FRYL: variants seen among roughly 807,000 people sequenced by gnomAD.
The protein encoded by FRYL is protein furry homolog-like.
FRYL carries 150 observed loss-of-function variants against 351.2 expected under a neutral mutation model. The observed-to-expected ratio is 0.43, with a 90% CI of 0.37 to 0.49. The LOEUF (loss-of-function observed/expected upper bound fraction) is 0.49, where lower values mean the gene tolerates loss of function less well. Among genes scored for constraint, FRYL ranks in the 20% least tolerant of loss-of-function variants. The pLI, the probability that FRYL is intolerant of heterozygous loss-of-function variation, is 0.00. For missense variants in FRYL, 3,036 were observed against 3,619.3 expected, an observed-to-expected ratio of 0.84 and a Z score of 4.13; for synonymous variants, 1,153 against 1,257.1, an observed-to-expected ratio of 0.92 and a Z score of 1.75.
intron 1 of FRYL, among the ~76,000 whole-genome samples, chr4:48,767,000 T>C (rs564945494): frequency 6.8e-6 from 1 of 147,698 alleles, no homozygotes; most frequent in Admixed American, 6.8e-5. Context: ...TATTATATAT[T>C]ATATATTTTA....
At chr4:48,649,928 T>C (rs1363369371) in intron 3 of FRYL, among the ~76,000 whole-genome samples, 1 of 152,336 alleles carries the variant, frequency 6.6e-6, no homozygotes, top group East Asian at 1.9e-4. Context: ...TATAATAATA[T>C]ACACTGCTTT....
chr4:48,569,751 C>T (rs1578164966), intron 27 of FRYL, among the ~76,000 whole-genome samples: 2 of 152,290 alleles, frequency 1.3e-5, no homozygotes, highest in East Asian at 1.9e-4. Flanking sequence ...GGGAGAAATG[C>T]TAAAGGAATA....
intron 2 of FRYL, among the ~76,000 whole-genome samples, chr4:48,697,245 T>G (rs1766285665): frequency 6.6e-6 from 1 of 152,164 alleles, no homozygotes; most frequent in African/African-American, 2.4e-5. Context: ...CTTTCCATTT[T>G]TACCTAAATT....
chr4:48,601,202 T>A (rs1191182111), intron 13 of FRYL, among the ~76,000 whole-genome samples: 1 of 152,188 alleles, frequency 6.6e-6, no homozygotes, highest in Non-Finnish European at 1.5e-5. Context: ...AGGTTTTCAG[T>A]CTCAAGTCTA....
At chr4:48,614,623 G>A (rs1748966495) in intron 7 of FRYL, among the ~76,000 whole-genome samples, 1 of 149,404 alleles carries the variant, frequency 6.7e-6, no homozygotes. Flanking sequence ...TCGGGAGGCT[G>A]AGGCAGGAGA....
chr4:48,600,581 T>C (rs1745497542), intron 13 of FRYL, among the ~76,000 whole-genome samples: 1 of 152,162 alleles, frequency 6.6e-6, no homozygotes, highest in South Asian at 2.1e-4. Context: ...TACTGCGAAG[T>C]ATTGCAAATA....
At chr4:48,555,621 G>A (rs1472734146) in intron 35 of FRYL, among the ~76,000 whole-genome samples, 1 of 152,194 alleles carries the variant, frequency 6.6e-6, no homozygotes, top group African/African-American at 2.4e-5. Context: ...GGGAATGCCT[G>A]GTGAGAGAGG....
Position 48,668,729 on chromosome 4 carries a change from C to T in FRYL, c.-81+15944G>A, listed in dbSNP as rs925912246. ...AAATAGAATAATAACTGAGGCTAGG[C>T]GGTGAGGAAAACTTATTAACCCCAA... On this transcript the variant is annotated intron_variant, in intron 3 of 63. Transcript: ENST00000358350. 7.9e-5 allele frequency among the ~76,000 whole-genome samples: 12 copies of T among 152,266 alleles called. No individual in the cohort carries two copies. The South Asian group carries it at 1.4e-3, about 18-fold the overall frequency.
chr4:48,568,772 G>A (rs1213589430), intron 27 of FRYL, among the ~76,000 whole-genome samples: 1 of 152,048 alleles, frequency 6.6e-6, no homozygotes, highest in Non-Finnish European at 1.5e-5. Flanking sequence ...CCTTAAATGA[G>A]TGTTTTTCAA....
intron 55 of FRYL, among the ~76,000 whole-genome samples, chr4:48,518,777 C>CTTT (rs1294233221): frequency 8.5e-5 from 13 of 152,302 alleles, no homozygotes; most frequent in African/African-American, 2.6e-4. Context: ...AAATGCTACC[C>CTTT]CTAACTTTCT....
chr4:48,722,683 C>G (rs1275722446), intron 1 of FRYL, among the ~76,000 whole-genome samples: 4 of 152,156 alleles, frequency 2.6e-5, no homozygotes, highest in Non-Finnish European at 5.9e-5. Flanking sequence ...ACTGATGTAA[C>G]AAAAAGTCAG....
At chr4:48,578,565 T>C (rs764989883) in intron 23 of FRYL, among the ~76,000 whole-genome samples, 9 of 152,130 alleles carry the variant, frequency 5.9e-5, no homozygotes, top group African/African-American at 1.2e-4. Context: ...CACCAGAAGG[T>C]GGCCTTCCTT....
Position 48,575,881 on chromosome 4 carries a change from T to C in FRYL, c.2721+149A>G, listed in dbSNP as rs1739495354. On this transcript the variant is annotated intron_variant, in intron 24 of 63. Transcript: ENST00000358350. ...AACTAGGAATCCATAAAAGCAATGA[T>C]GGGCTTTCTTGAGGTATTTTCCTTT... The C allele has an allele frequency of 6.7e-6, 4 of 592,896 alleles. No homozygotes were observed. The East Asian group carries it at 1.2e-4, about 17-fold the overall frequency. 36.7% of individuals were successfully genotyped at this position (592,896 alleles called of 1,614,324 possible).
chr4:48,767,463 C>A (rs1268870528), intron 1 of FRYL, among the ~76,000 whole-genome samples: 2 of 152,136 alleles, frequency 1.3e-5, no homozygotes, highest in African/African-American at 4.8e-5. Context: ...CATACACACA[C>A]AACAGAATAT....
intron 4 of FRYL, among the ~76,000 whole-genome samples, chr4:48,628,431 C>CGTGTGTGTGTGTGTGTGTGTGTGT (rs397993302): frequency 6.9e-6 from 1 of 144,662 alleles, no homozygotes; most frequent in African/African-American, 2.6e-5. Flanking sequence ...CCTTCATTTG[C>CGTGTGTGTGTGTGTGTGTGTGTGT]GTGTGTGTGT....
At chr4:48,754,937 C>T (rs1272375375) in intron 1 of FRYL, among the ~76,000 whole-genome samples, 4 of 152,114 alleles carry the variant, frequency 2.6e-5, no homozygotes, top group Admixed American at 6.5e-5. Flanking sequence ...CCACTGCACC[C>T]GGCCCTGAAT....
At chr4:48,732,431 TA>T (rs1218829387) in intron 1 of FRYL, among the ~76,000 whole-genome samples, 8 of 152,292 alleles carry the variant, frequency 5.3e-5, no homozygotes, top group African/African-American at 1.9e-4. Flanking sequence ...ACTGGGCATA[TA>T]ACCAAAGGAT....
chr4:48,760,208 C>T (rs1774254932), intron 1 of FRYL, among the ~76,000 whole-genome samples: 1 of 152,032 alleles, frequency 6.6e-6, no homozygotes. Flanking sequence ...GTGGCCCAGG[C>T]TGGAGTGCAG....
At chr4:48,553,041 G>C (rs1233690519) in intron 36 of FRYL, among the ~76,000 whole-genome samples, 174 bp downstream of exon 36, 1 of 152,038 alleles carries the variant, frequency 6.6e-6, no homozygotes, top group African/African-American at 2.4e-5. Flanking sequence ...ATTATGTTAA[G>C]CTTCTCTTTC....
Sources: allele counts gnomAD v4.1 joint callset (sites outside exome capture counted in the v4.1 genomes callset), GRCh38; gene constraint gnomAD v4.1.1; transcripts MANE v1.5; gene names NCBI Gene and HGNC (gene_info 2026-07-23, HGNC 2026-07-21).